The following ZC3H8 variants were observed in gnomAD, a reference collection of about 807,000 sequenced individuals.
ZC3H8 encodes zinc finger CCCH-type containing 8, also known as zinc finger CCCH domain-containing protein 8.
Under a neutral mutation model 42.5 loss-of-function variants are expected in ZC3H8, and 27 were observed. The ratio of observed to expected loss-of-function variants is 0.64; its 90% CI spans 0.47 to 0.88. The LOEUF (loss-of-function observed/expected upper bound fraction) is 0.88, where lower values mean the gene tolerates loss of function less well. ZC3H8 is among the 40% of genes least tolerant of loss of function. The pLI, the probability that ZC3H8 is intolerant of heterozygous loss-of-function variation, is 0.00. For missense variants in ZC3H8, 277 were observed against 336.1 expected (o/e 0.82, Z 1.37); for synonymous variants, 101 against 110.1 (o/e 0.92, Z 0.52).
intron 1 of ZC3H8, among the ~76,000 whole-genome samples, chr2:112,250,633 G>C (rs1685913462): frequency 6.6e-6 from 1 of 152,186 alleles, no homozygotes; most frequent in East Asian, 1.9e-4. Context: ...TACAGACCCT[G>C]TCACTGTGTT....
chr2:112,226,415 C>T (rs923190876), intron 8 of ZC3H8, among the ~76,000 whole-genome samples: 2 of 151,434 alleles, frequency 1.3e-5, no homozygotes, highest in African/African-American at 4.9e-5. Context: ...GGTGAAACCC[C>T]GTCTCTACTA....
In ZC3H8 at chr2:112,238,299, A is replaced by C; in HGVS notation, c.370+16T>G. On this transcript the variant is annotated intron_variant, in intron 3 of 8. Coordinates refer to ENST00000409573, the MANE Select transcript of ZC3H8 (RefSeq NM_032494.3). ...CTCTAGATAAACTTTAAATGATAAA[A>C]TAGTTTGACTCTTACCCTGTGGGGT... The C allele has an allele frequency of 6.2e-7, 1 of 1,607,748 alleles. No homozygotes were observed. The highest frequency in any genetic ancestry group is 8.5e-7 in the Non-Finnish European group (1 of 1,177,848).
chr2:112,233,228 A>G lies in ZC3H8; in HGVS notation c.733+32T>C, dbSNP rs1390891908. Reference sequence around the variant, plus strand: ...ATTTAAAATGTTCATGTAAATATTTATAAAGTCACCATATCTTGTGATAAA... The same window carrying G: ...ATTTAAAATGTTCATGTAAATATTTGTAAAGTCACCATATCTTGTGATAAA... On this transcript the variant is annotated intron_variant, in intron 6 of 8. Coordinates refer to ENST00000409573, the MANE Select transcript of ZC3H8 (RefSeq NM_032494.3). The G allele has an allele frequency of 5.8e-6, 8 of 1,383,740 alleles. No individual in the cohort carries two copies. The African/African-American group carries it at 1.3e-4, about 23-fold the overall frequency. The allele number at this position is 1,383,740 out of a possible 1,614,324, so 85.7% of individuals were successfully genotyped here.
Position 112,222,554 on chromosome 2 carries a change from T to C in ZC3H8, c.*16-6086A>G, listed in dbSNP as rs183867742. Among the ~76,000 whole-genome samples the C allele has an allele frequency of 8.5e-5, 13 of 152,304 alleles. No homozygotes were observed. In the East Asian group the frequency reaches 2.5e-3, roughly 29 times the overall value. ...TGAGAAGGACAAATACTATATGATTTCACTTACATGAGATACCTACATTTG... is the reference window on the plus strand; with the variant it reads ...TGAGAAGGACAAATACTATATGATTCCACTTACATGAGATACCTACATTTG... On this transcript the variant is annotated intron_variant, in intron 8 of 8. Coordinates refer to ENST00000409573, the MANE Select transcript of ZC3H8 (RefSeq NM_032494.3).
chr2:112,233,426 A>T, intron 5 of ZC3H8, 55 bp from the exon 6 acceptor site: 1 of 1,169,346 alleles, frequency 8.6e-7, no homozygotes, highest in Non-Finnish European at 1.2e-6. Context: ...TCAAGTCATT[A>T]TGATTTAATT....
intron 8 of ZC3H8, among the ~76,000 whole-genome samples, chr2:112,219,650 A>G (rs1684498611): frequency 6.8e-6 from 1 of 147,344 alleles, no homozygotes. Flanking sequence ...GAGTGGGGTG[A>G]TTTTTTTTTT....
At chr2:112,254,828 C>G in intron 1 of ZC3H8, 80 bp downstream of exon 1, 1 of 1,496,006 alleles carries the variant, frequency 6.7e-7, no homozygotes, top group Non-Finnish European at 9.0e-7. Flanking sequence ...TGGCCCCGGA[C>G]TGCCTCCAAT....
In ZC3H8 at chr2:112,250,202, T is replaced by G. The variant is rs372001997; in HGVS notation, c.145A>C (p.Ile49Leu). Residue 49 changes from isoleucine to leucine, a missense_variant, in exon 2 of 9, where the codon ATT becomes CTT. Ile to Leu is a conservative substitution (Grantham distance 5). Coordinates refer to ENST00000409573, the MANE Select transcript of ZC3H8 (RefSeq NM_032494.3). ...CAACTTAATCTTACTTTTTTGGGAA[T>G]TTGCTCGCACTCCAGTTTAATTTTC... ...EEKIKLECEQ[I>L]PKKFRHSAIS... The G allele has an allele frequency of 4.2e-5, 66 of 1,566,856 alleles. No homozygotes were observed. The highest frequency in any genetic ancestry group is 5.2e-5 in the Non-Finnish European group (60 of 1,154,534).
At chr2:112,222,524 C>A (rs1194638132) in intron 8 of ZC3H8, among the ~76,000 whole-genome samples, 1 of 152,084 alleles carries the variant, frequency 6.6e-6, no homozygotes, top group East Asian at 1.9e-4. Context: ...ATGAAATAAG[C>A]CTGTTGAGAA....
chr2:112,252,991 G>A (rs4849057), intron 1 of ZC3H8, among the ~76,000 whole-genome samples: 40,471 of 151,800 alleles, frequency 0.27, 6,660 homozygotes, highest in Middle Eastern at 0.43. Flanking sequence ...AAAATACGTC[G>A]GGCGTGGTGG....
At chr2:112,239,269 G>A (rs922683618) in intron 2 of ZC3H8, among the ~76,000 whole-genome samples, 2 of 152,156 alleles carry the variant, frequency 1.3e-5, no homozygotes, top group African/African-American at 4.8e-5. Flanking sequence ...GGTTACATGT[G>A]TTTCTACACT....
chr2:112,245,172 T>C (rs779147911), intron 2 of ZC3H8, among the ~76,000 whole-genome samples: 1 of 152,238 alleles, frequency 6.6e-6, no homozygotes, highest in Non-Finnish European at 1.5e-5. Context: ...AGAAATTGTA[T>C]TGGTCTGGAT....
Position 112,254,989 on chromosome 2 carries a change from A to G in ZC3H8, c.-8T>C, listed in dbSNP as rs1443544693. 6 of 1,603,310 alleles carry G rather than the reference A, an allele frequency of 3.7e-6. No individual in the cohort carries two copies. In the South Asian group the frequency reaches 6.7e-5, roughly 18 times the overall value. On this transcript the variant is annotated 5_prime_UTR_variant, in exon 1 of 9. Coordinates refer to ENST00000409573, the MANE Select transcript of ZC3H8 (RefSeq NM_032494.3). ...AAGATTCTCAAAATCCATGACCCAG[A>G]CAGGTCCTCCCTTTCGCGAGCCGGG... is the stretch of plus-strand genomic sequence containing the variant.
chr2:112,252,368 G>A (rs1036926511), intron 1 of ZC3H8, among the ~76,000 whole-genome samples: 5 of 152,070 alleles, frequency 3.3e-5, no homozygotes, highest in African/African-American at 1.2e-4. Context: ...TCCAATCTCT[G>A]AGGAAATCCA....
At chr2:112,219,213 G>C (rs1425866360) in intron 8 of ZC3H8, among the ~76,000 whole-genome samples, 1 of 152,128 alleles carries the variant, frequency 6.6e-6, no homozygotes, top group Admixed American at 6.6e-5. Context: ...AATCAAAACA[G>C]TGTGCTAACA....
At chr2:112,239,553 A>G (rs1558929381) in intron 2 of ZC3H8, among the ~76,000 whole-genome samples, 1 of 142,162 alleles carries the variant, frequency 7.0e-6, no homozygotes, top group Non-Finnish European at 1.5e-5. Flanking sequence ...TATAAAATAT[A>G]TTAGGTGGCC....
intron 8 of ZC3H8, among the ~76,000 whole-genome samples, chr2:112,223,742 ATAAAATAGAAT>A (rs1684696341): frequency 6.6e-6 from 1 of 152,232 alleles, no homozygotes; most frequent in African/African-American, 2.4e-5. Context: ...GAAAATTAGT[ATAAAATAGAAT>A]TAAAGAAAGC....
At position 112,212,617 on chromosome 2, in the gene ZC3H8, A is replaced by C. The variant is rs1047066800; in HGVS notation, c.*3867T>G. ...GAAATCTGAAGGTGAGGTATCGCTC[A>C]TCTAAGACTGGTTAAGTCCATGGCT... On this transcript the variant is annotated 3_prime_UTR_variant, in exon 9 of 9. Transcript: ENST00000409573. The C allele has an allele frequency of 1.3e-5, 2 of 152,208 alleles. No individual in the cohort carries two copies. The highest frequency in any genetic ancestry group is 4.8e-5 in the African/African-American group (2 of 41,458). The allele number at this position is 152,208 out of a possible 1,614,324, so 9.4% of individuals were successfully genotyped here. A position where few individuals can be genotyped will look rare whatever the true frequency, so the allele number is the denominator to read the frequency against.
chr2:112,250,237 G>A lies in ZC3H8; in HGVS notation c.110C>T (p.Thr37Ile). The change falls in exon 2 of 9, where the codon ACA becomes ATA. Residue 37 changes from threonine (T) to isoleucine (I), a missense_variant. Transcript: ENST00000409573. The part of the protein sequence containing the change: ...DDEIDTEVEE[T>I]QEEKIKLECE... ...CTCCAGTTTAATTTTCTCTTCTTGT[G>A]TTTCTTCAACTTCTGTATCTATTTC... 6.4e-7 allele frequency: 1 copy of A among 1,563,144 alleles called. No individual in the cohort carries two copies. The highest frequency in any genetic ancestry group is 8.7e-7 in the Non-Finnish European group (1 of 1,152,778).
Sources: gnomAD v4.1 joint callset for allele counts (sites outside exome capture counted in the v4.1 genomes callset) on GRCh38, gnomAD v4.1.1 for gene constraint, MANE v1.5 for transcripts, NCBI Gene and HGNC (gene_info 2026-07-23, HGNC 2026-07-21) for gene names.